The following CCSER1 variants were observed in gnomAD, a reference collection of about 807,000 sequenced individuals.
CCSER1 encodes the protein serine-rich coiled-coil domain-containing protein 1.
A neutral mutation model predicts 82.0 loss-of-function variants in CCSER1; 41 were observed. The observed-to-expected ratio is 0.50, with a 90% confidence interval of 0.39 to 0.65. The LOEUF is 0.65. CCSER1 is among the 30% of genes least tolerant of loss of function. The probability of loss-of-function intolerance (pLI) is 0.00; values close to 1 mark genes in which losing one functional copy is unlikely to be tolerated. For missense variants in CCSER1, 1,119 were observed against 1,064.2 expected (o/e 1.05, Z -0.72); for synonymous variants, 414 against 383.9 (o/e 1.08, Z -0.92).
intron 10 of CCSER1, among the ~76,000 whole-genome samples, chr4:91,248,712 G>A (rs1221461941): frequency 6.6e-6 from 1 of 151,888 alleles, no homozygotes; most frequent in Non-Finnish European, 1.5e-5. Flanking sequence ...TTCTGAAACA[G>A]AAAAAGGATA....
intron 10 of CCSER1, among the ~76,000 whole-genome samples, chr4:91,191,763 A>G (rs1328592074): frequency 6.6e-6 from 1 of 152,162 alleles, no homozygotes; most frequent in African/African-American, 2.4e-5. Context: ...CTGAAATGTG[A>G]TGGCAGTGTG....
chr4:90,298,347 T>C (rs1301515546), intron 1 of CCSER1, among the ~76,000 whole-genome samples: 1 of 152,172 alleles, frequency 6.6e-6, no homozygotes, highest in South Asian at 2.1e-4. Context: ...ATATCCCCTT[T>C]ATCATTTTTT....
At chr4:90,642,729 C>T (rs1726766654) in intron 6 of CCSER1, among the ~76,000 whole-genome samples, 1 of 152,070 alleles carries the variant, frequency 6.6e-6, no homozygotes, top group Admixed American at 6.6e-5. Context: ...CTCAGCTACG[C>T]CTGTAGTCCC....
chr4:90,175,328 C>A (rs1305225455), intron 1 of CCSER1, among the ~76,000 whole-genome samples: 1 of 151,842 alleles, frequency 6.6e-6, no homozygotes, highest in African/African-American at 2.4e-5. Flanking sequence ...GAAAGCCAAT[C>A]AGTGGTTCCA....
At chr4:90,296,369 T>G (rs548406055) in intron 1 of CCSER1, among the ~76,000 whole-genome samples, 139 of 152,268 alleles carry the variant, frequency 9.1e-4, no homozygotes, top group Non-Finnish European at 1.6e-3. Flanking sequence ...TAAATTTGTT[T>G]GAGTTGTAGA....
In CCSER1 at chr4:90,277,816, C is replaced by T. The variant is rs116261191; in HGVS notation, c.-41-30428C>T. 6.2e-3 allele frequency among the ~76,000 whole-genome samples: 948 copies of T among 151,966 alleles called. 7 individuals are homozygous for T. Among genetic ancestry groups the T allele is most frequent in the African/African-American group, 0.022 (921 of 41,472 alleles). ...CCTCAAAAGGCAATTGCAACAACAG[C>T]AAAAAAATTGACAAGTGAGGCCTAA... On this transcript the variant is annotated intron_variant, in intron 1 of 10. Coordinates refer to ENST00000509176, the MANE Select transcript of CCSER1 (RefSeq NM_001145065.2).
intron 10 of CCSER1, among the ~76,000 whole-genome samples, chr4:91,439,005 T>C (rs920543054): frequency 2.6e-5 from 4 of 152,196 alleles, no homozygotes; most frequent in Non-Finnish European, 5.9e-5. Flanking sequence ...CTATGTCTCA[T>C]TGGTGTACCT....
chr4:91,465,501 T>C (rs1756836423), intron 10 of CCSER1, among the ~76,000 whole-genome samples: 1 of 151,770 alleles, frequency 6.6e-6, no homozygotes, highest in African/African-American at 2.4e-5. Context: ...ATAACTAAGA[T>C]CAGAGCAGAA....
At chr4:91,056,104 C>A (rs751658251) in intron 9 of CCSER1, among the ~76,000 whole-genome samples, 1 of 151,796 alleles carries the variant, frequency 6.6e-6, no homozygotes, top group Non-Finnish European at 1.5e-5. Flanking sequence ...TCCTGAAATT[C>A]TTCATGTCTT....
At chr4:90,661,416 G>T (rs1435653177) in intron 6 of CCSER1, among the ~76,000 whole-genome samples, 1 of 152,140 alleles carries the variant, frequency 6.6e-6, no homozygotes, top group African/African-American at 2.4e-5. Flanking sequence ...GGGAGAATTT[G>T]TGAGTGTATT....
intron 4 of CCSER1, among the ~76,000 whole-genome samples, chr4:90,414,401 T>A (rs1168331297): frequency 6.6e-6 from 1 of 152,048 alleles, no homozygotes; most frequent in East Asian, 1.9e-4. Flanking sequence ...CACAGGATTA[T>A]AAGTTTTTTA....
rs560190395 is a variant in CCSER1 at position 90,764,525 on chromosome 4, A to C, written c.2010+40534A>C. 1.4e-4 allele frequency among the ~76,000 whole-genome samples: 21 copies of C among 152,244 alleles called. No individual in the cohort carries two copies. The East Asian group carries it at 3.7e-3, about 27-fold the overall frequency. ...GTCACCCAATAATGGTGGTTTTTGG[A>C]GTATAGGCTGCATGGATCATAATGG... On this transcript the variant is annotated intron_variant, in intron 7 of 10. Transcript: ENST00000509176.
intron 9 of CCSER1, among the ~76,000 whole-genome samples, chr4:90,967,038 G>A (rs1561428480): frequency 6.6e-6 from 1 of 152,002 alleles, no homozygotes; most frequent in African/African-American, 2.4e-5. Context: ...TGTGGTACTG[G>A]CATAAGGTCA....
intron 3 of CCSER1, among the ~76,000 whole-genome samples, chr4:90,323,719 G>A (rs1028718449): frequency 6.6e-6 from 1 of 151,830 alleles, no homozygotes; most frequent in African/African-American, 2.4e-5. Context: ...TGCACAATGT[G>A]CAGGTTAGTT....
rs888232658 is a variant in CCSER1 at position 90,706,194 on chromosome 4, A to T, written c.1933-17720A>T. Reference sequence around the variant, plus strand: ...AATTTCCGTTGTTTAAAAGTTACCTAGTTTATGGTATCTTGTTGTAACAAC... The same window carrying T: ...AATTTCCGTTGTTTAAAAGTTACCTTGTTTATGGTATCTTGTTGTAACAAC... On this transcript the variant is annotated intron_variant, in intron 6 of 10. Transcript: ENST00000509176. 8.6e-4 allele frequency among the ~76,000 whole-genome samples: 131 copies of T among 152,306 alleles called. 2 individuals are homozygous for T. Among genetic ancestry groups the T allele is most frequent in the Non-Finnish European group, 2.4e-4 (16 of 68,022 alleles).
At chr4:90,210,679 A>C (rs1739810764) in intron 1 of CCSER1, among the ~76,000 whole-genome samples, 1 of 152,054 alleles carries the variant, frequency 6.6e-6, no homozygotes, top group African/African-American at 2.4e-5. Context: ...TCCTGAGCTC[A>C]AGCAATCCTC....
At chr4:90,809,622 C>T (rs994502638) in intron 7 of CCSER1, among the ~76,000 whole-genome samples, 3 of 151,962 alleles carry the variant, frequency 2.0e-5, no homozygotes, top group Non-Finnish European at 4.4e-5. Flanking sequence ...AAATCCTAGA[C>T]TTCACCACTA....
At chr4:91,051,019 C>T (rs1742963139) in intron 9 of CCSER1, among the ~76,000 whole-genome samples, 1 of 152,110 alleles carries the variant, frequency 6.6e-6, no homozygotes, top group Non-Finnish European at 1.5e-5. Context: ...TTTGGAATTT[C>T]ATGCCATATA....
intron 7 of CCSER1, among the ~76,000 whole-genome samples, chr4:90,757,479 GA>G (rs1749716695): frequency 6.6e-6 from 1 of 152,202 alleles, no homozygotes; most frequent in African/African-American, 2.4e-5. Context: ...ACTTTAGCAT[GA>G]GTGACTTCAT....
Sources: allele counts gnomAD v4.1 joint callset (sites outside exome capture counted in the v4.1 genomes callset), GRCh38; gene constraint gnomAD v4.1.1; transcripts MANE v1.5; gene names NCBI Gene and HGNC (gene_info 2026-07-23, HGNC 2026-07-21).